UPP2: variants seen among roughly 807,000 people sequenced by gnomAD.
UPP2 encodes the protein uridine phosphorylase 2.
A neutral mutation model predicts 26.7 loss-of-function variants in UPP2; 23 were observed. The ratio of observed to expected loss-of-function variants is 0.86; its 90% CI spans 0.62 to 1.22. UPP2 has a LOEUF of 1.22. UPP2 is among the 50% of genes most tolerant of loss of function. The probability of loss-of-function intolerance (pLI) is 0.00; values close to 1 mark genes in which losing one functional copy is unlikely to be tolerated. For missense variants in UPP2, 387 were observed against 396.7 expected, an observed-to-expected ratio of 0.98 and a Z score of 0.21; for synonymous variants, 127 against 141.3, an observed-to-expected ratio of 0.90 and a Z score of 0.72.
At position 158,065,938 on chromosome 2, in the gene UPP2, T is replaced by C. The variant is rs1682427388; in HGVS notation, c.148-36102T>C. ...ATGAAAGATGATGATGCAGTACAAT[T>C]CGCAAGAAAAAAGCAGTATGGAGCT... is the stretch of plus-strand genomic sequence containing the variant. On this transcript the variant is annotated intron_variant, in intron 3 of 9. Coordinates refer to the UPP2 transcript ENST00000605860. The C allele has an allele frequency of 9.7e-6, 5 of 516,096 alleles. No homozygotes were observed. The South Asian group carries it at 9.8e-5, about 10-fold the overall frequency. 32.0% of individuals were successfully genotyped at this position (516,096 alleles called of 1,614,324 possible). A position where few individuals can be genotyped will look rare whatever the true frequency, so the allele number is the denominator to read the frequency against.
chr2:158,027,000 C>T (rs767356343), intron 3 of UPP2, among the ~76,000 whole-genome samples: 2 of 152,116 alleles, frequency 1.3e-5, no homozygotes, highest in Non-Finnish European at 1.5e-5. Flanking sequence ...CAAATTATCT[C>T]GCACCGGGTC....
At chr2:158,108,761 C>CACCTGGTTGTGAACCTTCAGTAAAT (rs1177641972) in intron 2 of UPP2, among the ~76,000 whole-genome samples, 4 of 152,138 alleles carry the variant, frequency 2.6e-5, no homozygotes, top group Admixed American at 1.3e-4. Flanking sequence ...ATTCACCACC[C>CACCTGGTTGTGAACCTTCAGTAAAT]ACCTGGTTGT....
In UPP2 at chr2:158,101,985, G is replaced by A. The variant is rs1683084713; in HGVS notation, c.-79G>A. On this transcript the variant is annotated 5_prime_UTR_variant, in exon 1 of 7. Transcript: ENST00000005756. ...ACTGGGAACTGAACTATTATGACTA[G>A]GTCTATAATTTAATAACAAGTCACA... is the stretch of plus-strand genomic sequence containing the variant. The A allele has an allele frequency of 1.3e-6, 2 of 1,593,226 alleles. No homozygotes were observed. The highest frequency in any genetic ancestry group is 1.4e-5 in the African/African-American group (1 of 73,536).
intron 5 of UPP2, among the ~76,000 whole-genome samples, chr2:158,121,911 T>G (rs1184322990): frequency 6.6e-6 from 1 of 151,998 alleles, no homozygotes; most frequent in Non-Finnish European, 1.5e-5. Flanking sequence ...TAACTTAAAT[T>G]AGCAGCTCTA....
chr2:157,995,751 G>A (rs1302785555), intron 2 of UPP2, among the ~76,000 whole-genome samples: 2 of 151,786 alleles, frequency 1.3e-5, no homozygotes, highest in African/African-American at 2.4e-5. Flanking sequence ...AATAGAAAAT[G>A]GTGGGCATAA....
intron 3 of UPP2, among the ~76,000 whole-genome samples, chr2:158,050,639 G>GA (rs1332492349): frequency 6.6e-6 from 1 of 151,994 alleles, no homozygotes; most frequent in African/African-American, 2.4e-5. Context: ...CTCAAAAAAA[G>GA]AAAAAAGAGT....
chr2:158,124,579 G>A (rs35894691), intron 6 of UPP2, among the ~76,000 whole-genome samples: 4,231 of 152,300 alleles, frequency 0.028, 122 homozygotes, highest in East Asian at 0.14. Context: ...GGGAAGACCC[G>A]AATGGGGTCA....
intron 2 of UPP2, among the ~76,000 whole-genome samples, chr2:158,009,348 G>A (rs915692576): frequency 6.6e-5 from 10 of 152,100 alleles, no homozygotes; most frequent in African/African-American, 2.4e-4. Context: ...CTTAAATGTC[G>A]CTATTAATCC....
At chr2:158,039,624 G>C (rs1395652652) in intron 3 of UPP2, among the ~76,000 whole-genome samples, 1 of 152,202 alleles carries the variant, frequency 6.6e-6, no homozygotes, top group Non-Finnish European at 1.5e-5. Context: ...GCTTAGGTTA[G>C]TTTTGATTCT....
chr2:158,133,622 A>G (rs1252263305), intron 6 of UPP2: 1 of 152,230 alleles, frequency 6.6e-6, no homozygotes, highest in African/African-American at 2.4e-5. Context: ...ATTGTACCTC[A>G]TAATTATATA....
intron 1 of UPP2, among the ~76,000 whole-genome samples, chr2:158,103,713 A>C (rs1376830600): frequency 5.3e-5 from 8 of 152,218 alleles, no homozygotes. Flanking sequence ...CATGTGAATC[A>C]CACAGAGTTT....
intron 3 of UPP2, among the ~76,000 whole-genome samples, chr2:158,042,329 T>A (rs1432790341): frequency 6.6e-6 from 1 of 152,162 alleles, no homozygotes; most frequent in Non-Finnish European, 1.5e-5. Context: ...CCTCGCTTTT[T>A]TTCCTGAGCA....
chr2:157,995,348 A>C (rs951621026), intron 2 of UPP2: 3 of 1,399,906 alleles, frequency 2.1e-6, no homozygotes, highest in Non-Finnish European at 2.0e-6. Context: ...ATTTTGAATT[A>C]TGTGGTTGAT....
At chr2:158,012,019 CT>C (rs1683586833) in intron 2 of UPP2, among the ~76,000 whole-genome samples, 6 of 152,132 alleles carry the variant, frequency 3.9e-5, no homozygotes, top group South Asian at 4.1e-4. Flanking sequence ...TGGTTTTCAT[CT>C]ACTTGACTCA....
intron 6 of UPP2, among the ~76,000 whole-genome samples, chr2:158,127,053 G>A (rs141702108): frequency 1.3e-5 from 2 of 152,324 alleles, no homozygotes; most frequent in African/African-American, 2.4e-5. Context: ...TACTCACTGA[G>A]TTTGGACCAT....
At chr2:158,073,480 T>C (rs1265151028) in intron 3 of UPP2, among the ~76,000 whole-genome samples, 1 of 151,930 alleles carries the variant, frequency 6.6e-6, no homozygotes, top group Non-Finnish European at 1.5e-5. Flanking sequence ...AGCATTCAAA[T>C]ACAAAAAGGT....
intron 2 of UPP2, among the ~76,000 whole-genome samples, chr2:158,011,813 G>T (rs577150756): frequency 6.6e-6 from 1 of 152,304 alleles, no homozygotes; most frequent in Non-Finnish European, 1.5e-5. Flanking sequence ...CTCGATAAAT[G>T]AAAGATTTTC....
intron 2 of UPP2, among the ~76,000 whole-genome samples, chr2:158,110,178 G>T (rs369974420): frequency 2.0e-5 from 3 of 151,892 alleles, no homozygotes; most frequent in African/African-American, 7.3e-5. Flanking sequence ...TGACAGGCCC[G>T]AGTGTGTGAT....
chr2:158,027,079 C>A (rs1183891146), intron 3 of UPP2, among the ~76,000 whole-genome samples: 1 of 152,126 alleles, frequency 6.6e-6, no homozygotes, highest in Non-Finnish European at 1.5e-5. Flanking sequence ...CACAGCCAAA[C>A]CTTTATCATT....
Sources: gnomAD v4.1 joint callset for allele counts (sites outside exome capture counted in the v4.1 genomes callset) on GRCh38, gnomAD v4.1.1 for gene constraint, MANE v1.5 for transcripts, NCBI Gene and HGNC (gene_info 2026-07-23, HGNC 2026-07-21) for gene names.